The following C11orf24 variants were observed in gnomAD, a reference collection of about 807,000 sequenced individuals.
C11orf24 encodes uncharacterized protein C11orf24.
C11orf24 carries 5 observed loss-of-function variants against 7.3 expected under a neutral mutation model. That is an observed-to-expected ratio of 0.69 (90% CI 0.36 to 1.45). C11orf24 has a LOEUF of 1.45. Among genes scored for constraint, C11orf24 ranks in the 40% most tolerant of loss-of-function variants. The pLI, the probability that C11orf24 is intolerant of heterozygous loss-of-function variation, is 0.03. For missense variants in C11orf24, 566 were observed against 590.5 expected, an observed-to-expected ratio of 0.96 and a Z score of 0.43; for synonymous variants, 233 against 235.7, an observed-to-expected ratio of 0.99 and a Z score of 0.11.
chr11:68,262,461 C>G lies in C11orf24; in HGVS notation c.534G>C (p.Pro178=), dbSNP rs761591723. The change falls in exon 4 of 4, where the codon CCG becomes CCC. Residue 178 remains proline (P), a synonymous_variant. Transcript: ENST00000304271. ...ATGGATGCCCAGTGGCGGTAGTGGA[C>G]GGGGTCCGCCCTGTGGAAGTGGACG... ...APTSTSTGRT[P]STTATGHPSL... 2 of 1,613,970 alleles carry G rather than the reference C, an allele frequency of 1.2e-6. No homozygotes were observed. Among genetic ancestry groups the G allele is most frequent in the African/African-American group, 1.3e-5 (1 of 74,918 alleles).
intron 2 of C11orf24, among the ~76,000 whole-genome samples, chr11:68,265,980 T>C (rs932161947): frequency 3.3e-5 from 5 of 152,210 alleles, no homozygotes; most frequent in Non-Finnish European, 5.9e-5. Flanking sequence ...GAAGGGGCCA[T>C]TGAATGCATG....
Position 68,261,764 on chromosome 11 carries a change from T to A in C11orf24, c.1231A>T (p.Thr411Ser), listed in dbSNP as rs763135344. Residue 411 changes from threonine (T) to serine (S), a missense_variant, in exon 4 of 4, where the codon ACC becomes TCC. Thr to Ser is a moderately conservative substitution (Grantham distance 58, BLOSUM62 1). Transcript: ENST00000304271. ...AAAACCAAGACTGTGATGAAAAGGG[T>A]CACCCCGAGTAACAGCACCACCAGA... ...LLLVVLLLGV[T>S]LFITVLVLFA... 1 of 1,614,090 alleles carries A rather than the reference T, an allele frequency of 6.2e-7. No individual in the cohort carries two copies. Among genetic ancestry groups the A allele is most frequent in the Non-Finnish European group, 8.5e-7 (1 of 1,180,018 alleles).
chr11:68,262,626 G>A lies in C11orf24; in HGVS notation c.369C>T (p.Ala123=). ...CACTGGAGGCCACAGTCATACTGGA[G>A]GCCGCAGTCGTAATGGAGGCCGCAG... ...STTAASITTA[A]SSMTVASSAP... is the part of the protein sequence containing the mutation. The change falls in exon 4 of 4, where the codon GCC becomes GCT. Residue 123 remains alanine, a synonymous_variant. Coordinates refer to ENST00000304271, the MANE Select transcript of C11orf24 (RefSeq NM_022338.4). 1 of 1,612,772 alleles carries A rather than the reference G, an allele frequency of 6.2e-7. No individual in the cohort carries two copies. The highest frequency in any genetic ancestry group is 2.2e-5 in the East Asian group (1 of 44,872).
intron 2 of C11orf24, among the ~76,000 whole-genome samples, chr11:68,264,596 GTCCATCCATCCA>G (rs1158464819): frequency 1.0e-4 from 1 of 9,574 alleles, no homozygotes; most frequent in Non-Finnish European, 1.7e-4. Context: ...CCATCCATAA[GTCCATCCATCCA>G]TCCATCCATC....
In C11orf24 at chr11:68,269,617, C is replaced by A. The variant is rs113626963; in HGVS notation, c.-297-1366G>T. On this transcript the variant is annotated intron_variant, in intron 1 of 3. Transcript: ENST00000304271. ...CCATCTGCACATGCACACATGCCACCACACATGTGCACTCACACAGGCACA... is the reference window on the plus strand; with the variant it reads ...CCATCTGCACATGCACACATGCCACAACACATGTGCACTCACACAGGCACA... Among the ~76,000 whole-genome samples the A allele has an allele frequency of 4.9e-3, 749 of 152,344 alleles. 21 individuals carry two copies. In the East Asian group the frequency reaches 0.073, roughly 15 times the overall value.
At position 68,262,286 on chromosome 11, in the gene C11orf24, T is replaced by C. The variant is rs2098562222; in HGVS notation, c.709A>G (p.Met237Val). Reference sequence around the variant, plus strand: ...GGGCTTGCCGCGGTGTCACTGGGCATGTGCTTGGAAGGACTTGGACGAGTG... The same window carrying C: ...GGGCTTGCCGCGGTGTCACTGGGCACGTGCTTGGAAGGACTTGGACGAGTG... ...MSTRPSPSKH[M>V]PSDTAASPVP... The change falls in exon 4 of 4, where the codon ATG (methionine) becomes GTG (valine). Residue 237 changes from methionine (M) to valine (V), a missense_variant. Physicochemically the swap from Met to Val is conservative, Grantham distance 21 (BLOSUM62 1). Transcript: ENST00000304271. 6 of 1,613,340 alleles carry C rather than the reference T, an allele frequency of 3.7e-6. No individual in the cohort carries two copies. Among genetic ancestry groups the C allele is most frequent in the Admixed American group, 1.7e-5 (1 of 59,992 alleles).
intron 1 of C11orf24, among the ~76,000 whole-genome samples, chr11:68,270,436 T>C (rs1458156201): frequency 6.6e-6 from 1 of 152,126 alleles, no homozygotes; most frequent in Non-Finnish European, 1.5e-5. Flanking sequence ...GCTTGTTATA[T>C]GTGGCGCACT....
intron 2 of C11orf24, among the ~76,000 whole-genome samples, chr11:68,265,771 G>A (rs1218744264): frequency 6.6e-6 from 1 of 152,198 alleles, no homozygotes; most frequent in African/African-American, 2.4e-5. Context: ...ACAGGCATGA[G>A]CTATTGTGCC....
At chr11:68,265,510 T>G (rs2098564659) in intron 2 of C11orf24, among the ~76,000 whole-genome samples, 1 of 152,240 alleles carries the variant, frequency 6.6e-6, no homozygotes, top group Non-Finnish European at 1.5e-5. Context: ...AACACATTTT[T>G]ATTTTTTTGA....
At chr11:68,269,870 G>A (rs1021227495) in intron 1 of C11orf24, among the ~76,000 whole-genome samples, 1 of 152,206 alleles carries the variant, frequency 6.6e-6, no homozygotes, top group Non-Finnish European at 1.5e-5. Context: ...TCATCCCTCT[G>A]CTATGGTCCT....
intron 2 of C11orf24, 118 bp from the exon 3 acceptor site, chr11:68,263,984 C>T (rs1206348953): frequency 3.7e-5 from 21 of 562,926 alleles, no homozygotes; most frequent in Non-Finnish European, 2.2e-5. Context: ...GAGCCAAGTG[C>T]TGAGACCAGG....
chr11:68,261,508 C>G lies in C11orf24; in HGVS notation c.*137G>C. 1.5e-6 allele frequency: 1 copy of G among 675,806 alleles called. No homozygotes were observed. Among genetic ancestry groups the G allele is most frequent in the South Asian group, 2.1e-5 (1 of 48,276 alleles). The allele number at this position is 675,806 out of a possible 1,614,324, so 41.9% of individuals were successfully genotyped here. A position where few individuals can be genotyped will look rare whatever the true frequency, so the allele number is the denominator to read the frequency against. ...TTTAGTGATCATGGAATTAATCTGA[C>G]AGCAATTAAATGTGTTTAAGCATCT... is the stretch of plus-strand genomic sequence containing the variant. On this transcript the variant is annotated 3_prime_UTR_variant, in exon 4 of 4. Transcript: ENST00000304271.
In C11orf24 at chr11:68,261,557, A is replaced by G. The variant is rs750672987; in HGVS notation, c.*88T>C. 16 of 1,244,038 alleles carry G rather than the reference A, an allele frequency of 1.3e-5. No homozygotes were observed. The highest frequency in any genetic ancestry group is 1.8e-5 in the Non-Finnish European group (16 of 890,328). 77.1% of individuals were successfully genotyped at this position (1,244,038 alleles called of 1,614,324 possible). Reference sequence around the variant, plus strand: ...CTGGCATATCTCCTCAATTGCACCAAAAGAATTTGGAAGCACTTGGTTTGG... The same window carrying G: ...CTGGCATATCTCCTCAATTGCACCAGAAGAATTTGGAAGCACTTGGTTTGG... On this transcript the variant is annotated 3_prime_UTR_variant, in exon 4 of 4. Transcript: ENST00000304271.
At chr11:68,267,122 T>C (rs2098565579) in intron 2 of C11orf24, 1 of 152,230 alleles carries the variant, frequency 6.6e-6, no homozygotes, top group African/African-American at 2.4e-5. Flanking sequence ...CATGGTTGTG[T>C]CCCAATAAAA....
chr11:68,270,527 A>G (rs2098567385), intron 1 of C11orf24, among the ~76,000 whole-genome samples: 1 of 151,076 alleles, frequency 6.6e-6, no homozygotes, highest in Non-Finnish European at 1.5e-5. Flanking sequence ...CTGAGGTGGG[A>G]GGATTACAAG....
At chr11:68,270,216 T>C (rs1199130475) in intron 1 of C11orf24, among the ~76,000 whole-genome samples, 4 of 152,176 alleles carry the variant, frequency 2.6e-5, no homozygotes, top group African/African-American at 9.7e-5. Flanking sequence ...AAGGTTAGGC[T>C]GGCACTGGGA....
rs1384015332 is a variant in C11orf24, at chr11:68,261,631, G to A, written c.*14C>T. 11 of 1,590,582 alleles carry A rather than the reference G, an allele frequency of 6.9e-6. No homozygotes were observed. Among genetic ancestry groups the A allele is most frequent in the Non-Finnish European group, 9.5e-6 (11 of 1,163,448 alleles). The stretch of plus-strand genomic sequence containing the variant: ...GAGGAAGGGGCCAGGCCTCCCGCCA[G>A]GCCCCCGCCCCCCTCACATTTCTGA... On this transcript the variant is annotated 3_prime_UTR_variant, in exon 4 of 4. Transcript: ENST00000304271.
chr11:68,271,625 C>A, intron 1 of C11orf24: 1 of 152,956 alleles, frequency 6.5e-6, no homozygotes. Context: ...ATGCTCGGCC[C>A]CCAGTTGACT....
rs553011152 is a variant in C11orf24 at position 68,269,573 on chromosome 11, C to T, written c.-297-1322G>A. Among the ~76,000 whole-genome samples, 23 of 152,360 alleles carry T rather than the reference C, an allele frequency of 1.5e-4. No individual in the cohort carries two copies. The South Asian group carries it at 2.1e-3, about 14-fold the overall frequency. ...GCACTTAGTCACACACGCTTGTGTG[C>T]GCACAGCTGCACATATGTCCATCTG... On this transcript the variant is annotated intron_variant, in intron 1 of 3. Transcript: ENST00000304271.
Sources: allele counts gnomAD v4.1 joint callset (sites outside exome capture counted in the v4.1 genomes callset), GRCh38; gene constraint gnomAD v4.1.1; transcripts MANE v1.5; gene names NCBI Gene and HGNC (gene_info 2026-07-23, HGNC 2026-07-21).